PPP2R2B: variants seen among roughly 807,000 people sequenced by gnomAD.
PPP2R2B encodes the protein protein phosphatase 2 regulatory subunit Bbeta, also known as serine/threonine-protein phosphatase 2A 55 kDa regulatory subunit B beta isoform.
Under a neutral mutation model 46.0 loss-of-function variants are expected in PPP2R2B, and 5 were observed. The observed-to-expected ratio is 0.11, with a 90% CI of 0.06 to 0.23. The LOEUF is 0.23. Among genes scored for constraint, PPP2R2B ranks in the 10% least tolerant of loss-of-function variants. The probability of loss-of-function intolerance (pLI) is 1.00; values close to 1 mark genes in which losing one functional copy is unlikely to be tolerated. For missense variants in PPP2R2B, 367 were observed against 575.0 expected (o/e 0.64, Z 3.70); for synonymous variants, 215 against 206.7 (o/e 1.04, Z -0.34).
Position 146,878,301 on chromosome 5 carries a change from C to A in PPP2R2B, c.-124-106G>T. 6.9e-7 allele frequency: 1 copy of A among 1,455,742 alleles called. No individual in the cohort carries two copies. The allele number at this position is 1,455,742 out of a possible 1,614,324, so 90.2% of individuals were successfully genotyped here. On this transcript the variant is annotated intron_variant, in intron 1 of 9. Coordinates refer to ENST00000394411, the MANE Select transcript of PPP2R2B (RefSeq NM_181675.4). The surrounding 1 kb of genome is among the most constrained non-coding windows in gnomAD (Gnocchi z 4.5). Reference sequence around the variant, plus strand: ...CGAGGCTGCGGCGGCTCCTCCCGCGCGGTGCGCTCACTCCAGCTCCAGTTC... The same window carrying A: ...CGAGGCTGCGGCGGCTCCTCCCGCGAGGTGCGCTCACTCCAGCTCCAGTTC...
At chr5:146,774,721 G>A (rs1755070302) in intron 2 of PPP2R2B, among the ~76,000 whole-genome samples, 1 of 151,666 alleles carries the variant, frequency 6.6e-6, no homozygotes, top group South Asian at 2.1e-4. Flanking sequence ...GGAGGCTGAG[G>A]CAGGATAATC....
intron 1 of PPP2R2B, among the ~76,000 whole-genome samples, chr5:147,019,130 T>C (rs527701543): frequency 6.6e-5 from 10 of 152,320 alleles, no homozygotes; most frequent in African/African-American, 2.2e-4. Context: ...GTTAGAAATG[T>C]AGATCTTCTG....
At chr5:146,798,596 T>C (rs943495435) in intron 2 of PPP2R2B, among the ~76,000 whole-genome samples, 5 of 152,182 alleles carry the variant, frequency 3.3e-5, no homozygotes, top group Non-Finnish European at 7.4e-5. Flanking sequence ...TTACCAATGA[T>C]AAAATCAACA....
At chr5:146,811,114 C>T (rs1237083247) in intron 2 of PPP2R2B, among the ~76,000 whole-genome samples, 1 of 152,110 alleles carries the variant, frequency 6.6e-6, no homozygotes, top group Non-Finnish European at 1.5e-5. Context: ...AGTAATTCTC[C>T]TGCCTCAGCC....
chr5:146,818,373 G>A (rs567124529), intron 2 of PPP2R2B, among the ~76,000 whole-genome samples: 1 of 149,584 alleles, frequency 6.7e-6, no homozygotes, highest in Non-Finnish European at 1.5e-5. Context: ...AAAAAATCAC[G>A]AGGATTTTTA....
chr5:146,783,417 T>C (rs1468383890), intron 2 of PPP2R2B, among the ~76,000 whole-genome samples: 2 of 152,224 alleles, frequency 1.3e-5, no homozygotes, highest in African/African-American at 4.8e-5. Context: ...ACAAAAATGC[T>C]CATAAAACCT....
At chr5:146,827,784 C>T (rs563160956) in intron 2 of PPP2R2B, among the ~76,000 whole-genome samples, 124 of 152,260 alleles carry the variant, frequency 8.1e-4, no homozygotes, top group Middle Eastern at 3.4e-3. Context: ...AGAGATGACA[C>T]AAGCAGTTAA....
intron 2 of PPP2R2B, among the ~76,000 whole-genome samples, chr5:146,806,680 T>C (rs533631854): frequency 6.6e-6 from 1 of 152,354 alleles, no homozygotes; most frequent in East Asian, 1.9e-4. Flanking sequence ...AGAGTCAGCA[T>C]ACTGGAATTT....
chr5:146,664,757 G>T (rs1776873734), intron 5 of PPP2R2B, among the ~76,000 whole-genome samples: 1 of 151,988 alleles, frequency 6.6e-6, no homozygotes, highest in South Asian at 2.1e-4. Flanking sequence ...CTATTTTTTG[G>T]TAGCGATAGC....
chr5:146,656,016 G>A (rs973771), intron 5 of PPP2R2B, among the ~76,000 whole-genome samples: 9,509 of 152,210 alleles, frequency 0.062, 435 homozygotes, highest in East Asian at 0.21. Flanking sequence ...TGCTTCTGGG[G>A]TGAGGTCAGT....
chr5:146,722,211 T>C (rs1039331834), intron 2 of PPP2R2B, among the ~76,000 whole-genome samples: 1 of 152,204 alleles, frequency 6.6e-6, no homozygotes, highest in Non-Finnish European at 1.5e-5. Flanking sequence ...ATATGTTAGG[T>C]ACTATCTTAC....
At chr5:146,634,595 A>T (rs554771966) in intron 7 of PPP2R2B, among the ~76,000 whole-genome samples, 2 of 152,014 alleles carry the variant, frequency 1.3e-5, no homozygotes, top group African/African-American at 4.8e-5. Context: ...TCAGCCTCCT[A>T]AAGTGCTGGG....
chr5:147,061,759 GA>G (rs1757265257), intron 2 of PPP2R2B, among the ~76,000 whole-genome samples: 1 of 151,886 alleles, frequency 6.6e-6, no homozygotes, highest in Admixed American at 6.6e-5. Flanking sequence ...AGCAGGGGAA[GA>G]AAAAAAGCCC....
At chr5:146,800,770 G>A (rs1299618885) in intron 2 of PPP2R2B, among the ~76,000 whole-genome samples, 3 of 151,940 alleles carry the variant, frequency 2.0e-5, no homozygotes, top group Non-Finnish European at 4.4e-5. Context: ...AAATAGGGGG[G>A]CTCTCCAAGG....
At chr5:147,071,135 T>C (rs1478041523) in intron 2 of PPP2R2B, among the ~76,000 whole-genome samples, 2 of 152,062 alleles carry the variant, frequency 1.3e-5, no homozygotes, top group Non-Finnish European at 2.9e-5. Flanking sequence ...TGTTGGTTTA[T>C]GTGAGTATGA....
chr5:147,080,115 C>A (rs1165528214), intron 2 of PPP2R2B, among the ~76,000 whole-genome samples: 1 of 152,100 alleles, frequency 6.6e-6, no homozygotes, highest in Admixed American at 6.5e-5. Flanking sequence ...AAATAAACTG[C>A]CTCTTTCAAA....
chr5:146,792,399 T>TTGACCACCA (rs1756256575), intron 2 of PPP2R2B, among the ~76,000 whole-genome samples: 1 of 152,196 alleles, frequency 6.6e-6, no homozygotes, highest in Non-Finnish European at 1.5e-5. Flanking sequence ...CAACATGTAG[T>TTGACCACCA]TGACCACCAC....
chr5:147,042,228 C>A (rs1197751913), intron 1 of PPP2R2B, among the ~76,000 whole-genome samples: 1 of 152,042 alleles, frequency 6.6e-6, no homozygotes, highest in Admixed American at 6.6e-5. Context: ...CTAGACCCCC[C>A]CCTCCCCTTT....
chr5:146,917,329 C>T (rs753574730), intron 1 of PPP2R2B, among the ~76,000 whole-genome samples: 44 of 152,146 alleles, frequency 2.9e-4, no homozygotes, highest in Non-Finnish European at 2.2e-4. Flanking sequence ...TTGTGTTTTC[C>T]GATGCCACTT....
Sources: allele counts gnomAD v4.1 joint callset (sites outside exome capture counted in the v4.1 genomes callset), GRCh38; gene constraint gnomAD v4.1.1; non-coding constraint Gnocchi (gnomAD v3.1); transcripts MANE v1.5; gene names NCBI Gene and HGNC (gene_info 2026-07-23, HGNC 2026-07-21).